Variants in ARHGEF10L observed in about 807,000 individuals in gnomAD.
ARHGEF10L encodes Rho guanine nucleotide exchange factor 10 like, also known as rho guanine nucleotide exchange factor 10-like protein.
Under a neutral mutation model 141.2 loss-of-function variants are expected in ARHGEF10L, and 69 were observed. The ratio of observed to expected loss-of-function variants is 0.49; its 90% confidence interval spans 0.40 to 0.60. The LOEUF is 0.60. ARHGEF10L is among the 20% of genes least tolerant of loss of function. The probability of loss-of-function intolerance (pLI) is 0.00; values close to 1 mark genes in which losing one functional copy is unlikely to be tolerated. For missense variants in ARHGEF10L, 1,482 were observed against 1,734.3 expected, an observed-to-expected ratio of 0.85 and a Z score of 2.58; for synonymous variants, 711 against 718.5, an observed-to-expected ratio of 0.99 and a Z score of 0.17.
chr1:17,539,855 G>T lies in ARHGEF10L; in HGVS notation c.-139G>T, dbSNP rs1449567156. On this transcript the variant is annotated 5_prime_UTR_variant, in exon 1 of 29. Coordinates refer to ENST00000361221, the MANE Select transcript of ARHGEF10L (RefSeq NM_018125.4). The surrounding 1 kb of genome is among the most constrained non-coding windows in gnomAD (Gnocchi z 6.0). ...TGGGGGCGCCGTCCCGGCCATGGGC[G>T]CCCGCGGCGGCCTGCGGAGCTGGAG... 6.7e-6 allele frequency: 1 copy of T among 148,196 alleles called. No individual in the cohort carries two copies. The highest frequency in any genetic ancestry group is 2.4e-5 in the African/African-American group (1 of 40,894). The allele number at this position is 148,196 out of a possible 1,614,324, so 9.2% of individuals were successfully genotyped here.
chr1:17,535,956 A>G (rs1570325813), upstream of ARHGEF10L, among the ~76,000 whole-genome samples: 1 of 152,186 alleles, frequency 6.6e-6, no homozygotes, highest in East Asian at 1.9e-4. Flanking sequence ...ACATGCCACC[A>G]CATGTGGTAG....
rs552608002 is a variant in ARHGEF10L at position 17,580,732 on chromosome 1, G to A, written c.37+100G>A. The A allele has an allele frequency of 1.9e-4, 269 of 1,443,948 alleles. 3 individuals are homozygous for A. In the South Asian group the frequency reaches 2.8e-3, roughly 15 times the overall value. The allele number at this position is 1,443,948 out of a possible 1,614,324, so 89.4% of individuals were successfully genotyped here. ...GCTCTGGAGCAGCATGGCGCCGGGT[G>A]GGAAGTCTGCTCTGCTGGCTGCTGG... On this transcript the variant is annotated intron_variant, in intron 2 of 28. Coordinates refer to ENST00000361221, the MANE Select transcript of ARHGEF10L (RefSeq NM_018125.4).
At chr1:17,691,362 C>T (rs767913938) in intron 27 of ARHGEF10L, among the ~76,000 whole-genome samples, 2 of 152,136 alleles carry the variant, frequency 1.3e-5, no homozygotes, top group Non-Finnish European at 2.9e-5. Context: ...TTCTCAATTC[C>T]GGCATCTCTT....
intron 25 of ARHGEF10L, among the ~76,000 whole-genome samples, chr1:17,658,396 G>A (rs1241040510): frequency 6.6e-6 from 1 of 152,124 alleles, no homozygotes; most frequent in Non-Finnish European, 1.5e-5. Context: ...AGGACCAAAA[G>A]AGCCACTGGG....
At position 17,648,591 on chromosome 1, in the gene ARHGEF10L, G is replaced by A; in HGVS notation, c.2310G>A (p.Glu770=). The change falls in exon 22 of 29, where the codon GAG becomes GAA. Residue 770 remains glutamate (E), a synonymous_variant. Coordinates refer to ENST00000361221, the MANE Select transcript of ARHGEF10L (RefSeq NM_018125.4). ...ENQPGWLCPD[E]DKKSKAPFWC... ...AGCCAGGCTGGCTATGCCCGGATGA[G>A]GACAAGAAGAGCAAAGCCCCATTCT... 2 of 1,613,760 alleles carry A rather than the reference G, an allele frequency of 1.2e-6. No homozygotes were observed. The highest frequency in any genetic ancestry group is 1.7e-6 in the Non-Finnish European group (2 of 1,180,030).
rs866395716 is a variant in ARHGEF10L, at chr1:17,587,550, A to G, written c.128A>G (p.Glu43Gly). The change falls in exon 3 of 29, where the codon GAA (glutamate) becomes GGA (glycine). Residue 43 changes from glutamate to glycine, a missense_variant. By Grantham distance (98) the Glu-to-Gly change is moderately conservative. Transcript: ENST00000361221. ...EAFEFDDSDDEEDTSAALGVP... is the reference protein window; with the variant it reads ...EAFEFDDSDDGEDTSAALGVP... Reference sequence around the variant, plus strand: ...TTTGAGTTTGATGACAGTGATGATGAAGAGGACACCAGCGCAGCCCTGGGC... The same window carrying G: ...TTTGAGTTTGATGACAGTGATGATGGAGAGGACACCAGCGCAGCCCTGGGC... 6.2e-7 allele frequency: 1 copy of G among 1,614,198 alleles called. No homozygotes were observed. Among genetic ancestry groups the G allele is most frequent in the Non-Finnish European group, 8.5e-7 (1 of 1,180,024 alleles).
intron 16 of ARHGEF10L, among the ~76,000 whole-genome samples, chr1:17,634,106 C>A (rs2060857459): frequency 6.6e-6 from 1 of 152,188 alleles, no homozygotes; most frequent in African/African-American, 2.4e-5. Context: ...CCCATTCATT[C>A]ATTTACTCAC....
rs1016053946 is a variant in ARHGEF10L, at chr1:17,696,717, G to A, written c.3308-131G>A. The stretch of plus-strand genomic sequence containing the variant: ...TAGCCAGAGCCTGTGGCCTTCGGGG[G>A]AGGTGCCAACATAGACAGAAGTGAC... On this transcript the variant is annotated intron_variant, in intron 28 of 28. Transcript: ENST00000361221. 3.2e-6 allele frequency: 3 copies of A among 941,148 alleles called. No homozygotes were observed. The African/African-American group carries it at 5.0e-5, about 16-fold the overall frequency. The allele number at this position is 941,148 out of a possible 1,614,324, so 58.3% of individuals were successfully genotyped here.
intron 26 of ARHGEF10L, among the ~76,000 whole-genome samples, chr1:17,678,361 A>T (rs1359260921): frequency 6.6e-6 from 1 of 151,580 alleles, no homozygotes; most frequent in Non-Finnish European, 1.5e-5. Context: ...ATACTTCAAG[A>T]TGCTTTTTCT....
the ARHGEF10L span, among the ~76,000 whole-genome samples, chr1:17,521,972 G>A: frequency 1.3e-5 from 2 of 152,128 alleles, no homozygotes; most frequent in Non-Finnish European, 2.9e-5. Context: ...CTATCCTTAC[G>A]TAGCCCCCAG....
intron 21 of ARHGEF10L, among the ~76,000 whole-genome samples, chr1:17,641,609 C>A (rs2061332615): frequency 6.6e-6 from 1 of 151,090 alleles, no homozygotes; most frequent in Admixed American, 6.6e-5. Context: ...GGCAACAGAG[C>A]CAGACTCCAT....
chr1:17,686,120 T>TTCTTTCTTTC (rs1558033726), intron 26 of ARHGEF10L, among the ~76,000 whole-genome samples: 1 of 151,412 alleles, frequency 6.6e-6, no homozygotes, highest in African/African-American at 2.4e-5. Context: ...TTTTTTTGCA[T>TTCTTTCTTTC]TTTCTGTAGC....
chr1:17,664,184 G>A (rs1266957963), intron 25 of ARHGEF10L, among the ~76,000 whole-genome samples: 1 of 152,060 alleles, frequency 6.6e-6, no homozygotes, highest in Non-Finnish European at 1.5e-5. Flanking sequence ...AGAGAGAGAG[G>A]CAGGGAAGGG....
At chr1:17,555,978 A>G (rs2100769173) in intron 1 of ARHGEF10L, among the ~76,000 whole-genome samples, 1 of 151,856 alleles carries the variant, frequency 6.6e-6, no homozygotes, top group South Asian at 2.1e-4. Context: ...CTCACCTGGG[A>G]GCATATTTGG....
chr1:17,689,756 G>A, intron 27 of ARHGEF10L: 2 of 455,290 alleles, frequency 4.4e-6, no homozygotes, highest in South Asian at 1.6e-5. Context: ...TTTCAAGTTA[G>A]TGGAACAATG....
intron 15 of ARHGEF10L, among the ~76,000 whole-genome samples, chr1:17,631,286 T>G (rs2060674808): frequency 6.6e-6 from 1 of 152,138 alleles, no homozygotes; most frequent in African/African-American, 2.4e-5. Context: ...AAAATCCCCT[T>G]TAGAAAAAAG....
intron 1 of ARHGEF10L, among the ~76,000 whole-genome samples, chr1:17,560,475 G>A (rs1313519451): frequency 6.6e-6 from 1 of 152,188 alleles, no homozygotes; most frequent in African/African-American, 2.4e-5. Flanking sequence ...GGCTGGTTTG[G>A]GGTCCCTGAT....
At chr1:17,678,767 G>A (rs2102388153) in intron 26 of ARHGEF10L, among the ~76,000 whole-genome samples, 1 of 152,336 alleles carries the variant, frequency 6.6e-6, no homozygotes. Context: ...GGCACAGCCA[G>A]GTCAGGACAG....
chr1:17,554,903 A>T (rs2077250041), intron 1 of ARHGEF10L, among the ~76,000 whole-genome samples: 1 of 152,066 alleles, frequency 6.6e-6, no homozygotes, highest in Non-Finnish European at 1.5e-5. Flanking sequence ...GGCCACTTTC[A>T]TGGGCATGAC....
Sources: gnomAD v4.1 joint callset for allele counts (sites outside exome capture counted in the v4.1 genomes callset) on GRCh38, gnomAD v4.1.1 for gene constraint, Gnocchi (gnomAD v3.1) non-coding constraint, MANE v1.5 for transcripts, NCBI Gene and HGNC (gene_info 2026-07-23, HGNC 2026-07-21) for gene names.